Variants in FGF7 observed in about 807,000 individuals in gnomAD.
FGF7 encodes fibroblast growth factor 7, also known as FGF-7.
Under a neutral mutation model 20.5 loss-of-function variants are expected in FGF7, and 6 were observed. The ratio of observed to expected loss-of-function variants is 0.29; its 90% CI spans 0.16 to 0.58. The LOEUF is 0.58. Ranked by LOEUF, FGF7 falls within the 20% of genes least tolerant of loss-of-function variation. The pLI, the probability that FGF7 is intolerant of heterozygous loss-of-function variation, is 0.90. For missense variants in FGF7, 144 were observed against 228.8 expected, an observed-to-expected ratio of 0.63 and a Z score of 2.39; for synonymous variants, 64 against 74.7, an observed-to-expected ratio of 0.86 and a Z score of 0.74.
chr15:49,460,151 C>T (rs1442312341), intron 2 of FGF7, among the ~76,000 whole-genome samples: 1 of 151,924 alleles, frequency 6.6e-6, no homozygotes, highest in East Asian at 1.9e-4. Flanking sequence ...GAGGCAAGCC[C>T]CAAGAGAGGA....
In FGF7 at chr15:49,466,266, C is replaced by A. The variant is rs1201716574; in HGVS notation, c.287-16885C>A. Among the ~76,000 whole-genome samples the A allele has an allele frequency of 2.0e-5, 3 of 152,144 alleles. No individual in the cohort carries two copies. In the East Asian group the frequency reaches 5.8e-4, roughly 29 times the overall value. Reference sequence around the variant, plus strand: ...AACCTGAAAATCTTTTAGAGTTCATCTTGTGATTCCATGCAATCAGTCCAT... The same window carrying A: ...AACCTGAAAATCTTTTAGAGTTCATATTGTGATTCCATGCAATCAGTCCAT... On this transcript the variant is annotated intron_variant, in intron 2 of 3. Transcript: ENST00000267843.
At chr15:49,442,501 G>T (rs1021862747) in intron 2 of FGF7, among the ~76,000 whole-genome samples, 1 of 151,628 alleles carries the variant, frequency 6.6e-6, no homozygotes, top group Non-Finnish European at 1.5e-5. Flanking sequence ...TTAGAACCAG[G>T]AGTTGGAAGT....
Position 49,424,472 on chromosome 15 carries a change from A to G in FGF7, c.175A>G (p.Met59Val), listed in dbSNP as rs776131808. The change falls in exon 2 of 4, where the codon ATG (methionine) becomes GTG (valine). Residue 59 changes from methionine to valine, a missense_variant. Physicochemically the swap from Met to Val is conservative, Grantham distance 21. Transcript: ENST00000267843. ...PERHTRSYDY[M>V]EGGDIRVRRL... ...GCGACACACAAGAAGTTATGATTACATGGAAGGAGGGGATATAAGAGTGAG... is the reference window on the plus strand; with the variant it reads ...GCGACACACAAGAAGTTATGATTACGTGGAAGGAGGGGATATAAGAGTGAG... 1 of 1,613,594 alleles carries G rather than the reference A, an allele frequency of 6.2e-7. No homozygotes were observed. Among genetic ancestry groups the G allele is most frequent in the Non-Finnish European group, 8.5e-7 (1 of 1,179,638 alleles).
chr15:49,458,125 T>C lies in FGF7; in HGVS notation c.287-25026T>C, dbSNP rs548925792. Among the ~76,000 whole-genome samples, 12 of 152,028 alleles carry C rather than the reference T, an allele frequency of 7.9e-5. No homozygotes were observed. The East Asian group carries it at 1.4e-3, about 17-fold the overall frequency. On this transcript the variant is annotated intron_variant, in intron 2 of 3. Transcript: ENST00000267843. ...GAGGTAGGGCTTCAGCTTGATAAGATGGACAAGTGAAGGTATTTATAATCA... is the reference window on the plus strand; with the variant it reads ...GAGGTAGGGCTTCAGCTTGATAAGACGGACAAGTGAAGGTATTTATAATCA...
intron 2 of FGF7, among the ~76,000 whole-genome samples, chr15:49,439,675 G>A (rs1367775959): frequency 6.6e-6 from 1 of 151,738 alleles, no homozygotes; most frequent in Non-Finnish European, 1.5e-5. Flanking sequence ...TATTGGAACT[G>A]CTAATCTGGG....
At chr15:49,450,087 A>C in intron 2 of FGF7, among the ~76,000 whole-genome samples, 1 of 152,260 alleles carries the variant, frequency 6.6e-6, no homozygotes, top group Middle Eastern at 3.4e-3. Flanking sequence ...ACTGAGAAGA[A>C]ACAAATTAAA....
intron 2 of FGF7, among the ~76,000 whole-genome samples, chr15:49,472,037 T>C (rs1342633704): frequency 1.3e-5 from 2 of 148,506 alleles, no homozygotes; most frequent in African/African-American, 4.9e-5. Context: ...AAAAAAAAGC[T>C]GTGAAAGTAA....
chr15:49,425,029 A>G lies in FGF7; in HGVS notation c.286+446A>G, dbSNP rs2050000155. 3 of 153,296 alleles carry G rather than the reference A, an allele frequency of 2.0e-5. No individual in the cohort carries two copies. The South Asian group carries it at 6.1e-4, about 31-fold the overall frequency. 9.5% of individuals were successfully genotyped at this position (153,296 alleles called of 1,614,324 possible). On this transcript the variant is annotated intron_variant, in intron 2 of 3. Transcript: ENST00000267843. ...TTTTCTTTGAAATAATATTTTCATGATGTAAATTAAAATACTTAATCTGTG... is the reference window on the plus strand; with the variant it reads ...TTTTCTTTGAAATAATATTTTCATGGTGTAAATTAAAATACTTAATCTGTG...
chr15:49,445,476 G>T (rs947257892), intron 2 of FGF7, among the ~76,000 whole-genome samples: 1 of 151,230 alleles, frequency 6.6e-6, no homozygotes, highest in Non-Finnish European at 1.5e-5. Flanking sequence ...TTTTTCTTTA[G>T]AACATTTTTA....
chr15:49,480,482 T>TTC (rs906770529), intron 2 of FGF7, among the ~76,000 whole-genome samples: 2 of 143,654 alleles, frequency 1.4e-5, no homozygotes, highest in African/African-American at 5.2e-5. Context: ...TAATTTTTTT[T>TTC]TTTTTTTTTT....
At chr15:49,482,094 C>CT (rs1488391041) in intron 2 of FGF7, among the ~76,000 whole-genome samples, 3 of 152,106 alleles carry the variant, frequency 2.0e-5, no homozygotes, top group Non-Finnish European at 4.4e-5. Flanking sequence ...ATAATTGACA[C>CT]TTTGACTTTT....
chr15:49,466,315 G>C (rs1489367918), intron 2 of FGF7, among the ~76,000 whole-genome samples: 1 of 152,178 alleles, frequency 6.6e-6, no homozygotes, highest in African/African-American at 2.4e-5. Flanking sequence ...GGAAGTACTT[G>C]AGTAGAGCAT....
chr15:49,451,957 GA>G (rs2052790040), intron 2 of FGF7, among the ~76,000 whole-genome samples: 1 of 151,892 alleles, frequency 6.6e-6, no homozygotes, highest in African/African-American at 2.4e-5. Flanking sequence ...AATAACTAGT[GA>G]AAAAATGCTA....
In FGF7 at chr15:49,485,288, G is replaced by A. The variant is rs544082512; in HGVS notation, c.*784G>A. On this transcript the variant is annotated 3_prime_UTR_variant, in exon 4 of 4. Transcript: ENST00000267843. Reference sequence around the variant, plus strand: ...TTTTATAAATCCTCAAAGTAAAATTGAGAAATCTTTAAGTTTTTTTCAAGT... The same window carrying A: ...TTTTATAAATCCTCAAAGTAAAATTAAGAAATCTTTAAGTTTTTTTCAAGT... The A allele has an allele frequency of 6.6e-6, 1 of 152,352 alleles. No individual in the cohort carries two copies. Among genetic ancestry groups the A allele is most frequent in the South Asian group, 2.1e-4 (1 of 4,814 alleles). The allele number at this position is 152,352 out of a possible 1,614,324, so 9.4% of individuals were successfully genotyped here. A position where few individuals can be genotyped will look rare whatever the true frequency, so the allele number is the denominator to read the frequency against.
chr15:49,460,259 C>G (rs2053673208), intron 2 of FGF7, among the ~76,000 whole-genome samples: 1 of 152,116 alleles, frequency 6.6e-6, no homozygotes, highest in South Asian at 2.1e-4. Flanking sequence ...AGTAGGTAAG[C>G]TGCACAATTA....
intron 2 of FGF7, among the ~76,000 whole-genome samples, chr15:49,448,584 T>C (rs2052434700): frequency 6.6e-6 from 1 of 151,778 alleles, no homozygotes; most frequent in African/African-American, 2.4e-5. Flanking sequence ...AATAGTTATA[T>C]TTCTGGTTAT....
chr15:49,461,117 C>A (rs1045887082), intron 2 of FGF7, among the ~76,000 whole-genome samples: 1 of 152,098 alleles, frequency 6.6e-6, no homozygotes, highest in Non-Finnish European at 1.5e-5. Flanking sequence ...ATATCTCTTC[C>A]ATCCTGATGA....
chr15:49,484,791 C>A lies in FGF7; in HGVS notation c.*287C>A. 1 of 242,676 alleles carries A rather than the reference C, an allele frequency of 4.1e-6. No homozygotes were observed. Among genetic ancestry groups the A allele is most frequent in the Non-Finnish European group, 7.8e-6 (1 of 127,958 alleles). 15.0% of individuals were successfully genotyped at this position (242,676 alleles called of 1,614,324 possible). ...TGATGTTAGTAACAGTAATTTTTTT[C>A]TTAAATTAATTTACCCTTAAGAGTA... On this transcript the variant is annotated 3_prime_UTR_variant, in exon 4 of 4. Coordinates refer to ENST00000267843, the MANE Select transcript of FGF7 (RefSeq NM_002009.4).
At chr15:49,431,347 A>G (rs1464473952) in intron 2 of FGF7, among the ~76,000 whole-genome samples, 2 of 151,824 alleles carry the variant, frequency 1.3e-5, no homozygotes, top group Non-Finnish European at 2.9e-5. Context: ...ACATATCTTT[A>G]GTAGAGAAGT....
Sources: gnomAD v4.1 joint callset for allele counts (sites outside exome capture counted in the v4.1 genomes callset) on GRCh38, gnomAD v4.1.1 for gene constraint, MANE v1.5 for transcripts, NCBI Gene and HGNC (gene_info 2026-07-23, HGNC 2026-07-21) for gene names.